RANBP2: variants seen among roughly 807,000 people sequenced by gnomAD.
The protein encoded by RANBP2 is E3 SUMO-protein ligase RanBP2.
Under a neutral mutation model 303.6 loss-of-function variants are expected in RANBP2, and 57 were observed. The ratio of observed to expected loss-of-function variants is 0.19; its 90% confidence interval spans 0.15 to 0.23. The LOEUF is 0.23. RANBP2 is among the 10% of genes least tolerant of loss of function. The pLI, the probability that RANBP2 is intolerant of heterozygous loss-of-function variation, is 1.00. For synonymous variants in RANBP2, 1,167 were observed against 1,301.5 expected, an observed-to-expected ratio of 0.90 and a Z score of 2.23; for missense variants, 3,138 against 3,780.8, an observed-to-expected ratio of 0.83 and a Z score of 4.46.
the RANBP2 span, chr2:109,502,039 C>T: frequency 2.8e-5 from 6 of 214,096 alleles, no homozygotes; most frequent in East Asian, 2.0e-4. Context: ...AGGAGGTCTG[C>T]AGGCGAGGTG....
At chr2:109,381,127 C>T in the RANBP2 span, among the ~76,000 whole-genome samples, 46 of 152,290 alleles carry the variant, frequency 3.0e-4, no homozygotes, top group Admixed American at 9.1e-4. Context: ...CTGGATGCGA[C>T]GATGGAAGGC....
At chr2:109,020,939 G>A in the RANBP2 span, among the ~76,000 whole-genome samples, 1 of 152,200 alleles carries the variant, frequency 6.6e-6, no homozygotes. Flanking sequence ...CCCATCACAG[G>A]CAAGGAATCC....
At chr2:109,614,621 C>CCT in the RANBP2 span, 2 of 1,460,842 alleles carry the variant, frequency 1.4e-6, no homozygotes, top group Non-Finnish European at 1.8e-6. Context: ...CCCTAGGCGG[C>CCT]GAACCGGAGC....
rs2557917 is a variant in RANBP2, at chr2:108,754,364, G to A, written c.2202+393G>A. 9.9e-5 allele frequency among the ~76,000 whole-genome samples: 15 copies of A among 151,648 alleles called. No individual in the cohort carries two copies. The East Asian group carries it at 2.1e-3, about 21-fold the overall frequency. ...TTTCTTCTCATCCTCATCAGCCATT[G>A]TGAACGCCCTTGTTTTCTTGCTGTC... On this transcript the variant is annotated intron_variant, in intron 15 of 28. Coordinates refer to ENST00000283195, the MANE Select transcript of RANBP2 (RefSeq NM_006267.5).
At chr2:108,796,503 G>A in the RANBP2 span, among the ~76,000 whole-genome samples, 112,738 of 152,078 alleles carry the variant, frequency 0.74, 42,123 homozygotes, top group East Asian at 0.92. Flanking sequence ...AAAAGAAAAC[G>A]GCGTATCGAA....
chr2:109,543,360 C>T, the RANBP2 span: 5 of 152,238 alleles, frequency 3.3e-5, no homozygotes, highest in East Asian at 1.9e-4. Context: ...GCTTATATAT[C>T]TGGATGTTTT....
the RANBP2 span, chr2:109,129,009 A>C: frequency 2.8e-5 from 12 of 424,388 alleles, no homozygotes; most frequent in Non-Finnish European, 5.6e-5. Flanking sequence ...AGGAAGAGGA[A>C]CGGTCCTGCT....
chr2:109,215,698 C>G, the RANBP2 span, among the ~76,000 whole-genome samples: 2 of 152,200 alleles, frequency 1.3e-5, no homozygotes, highest in African/African-American at 4.8e-5. Flanking sequence ...ATCCTACACC[C>G]AGACCGTGTG....
chr2:109,158,594 G>A, the RANBP2 span, among the ~76,000 whole-genome samples: 1 of 152,190 alleles, frequency 6.6e-6, no homozygotes, highest in Non-Finnish European at 1.5e-5. Context: ...CTCGCTGCCT[G>A]GGATGATAAG....
the RANBP2 span, chr2:109,347,717 A>T: frequency 6.2e-7 from 1 of 1,613,680 alleles, no homozygotes; most frequent in Non-Finnish European, 8.5e-7. Flanking sequence ...TACAGCTACG[A>T]GGGGAAGGAA....
At chr2:108,750,602 CTTTGA>C (rs1558900714) in intron 9 of RANBP2, among the ~76,000 whole-genome samples, 1 of 142,118 alleles carries the variant, frequency 7.0e-6, no homozygotes, top group African/African-American at 2.8e-5. Context: ...CTTTTCTTTT[CTTTGA>C]GACAGAGTCT....
At chr2:109,699,712 C>T in the RANBP2 span, among the ~76,000 whole-genome samples, 2 of 152,090 alleles carry the variant, frequency 1.3e-5, no homozygotes, top group African/African-American at 2.4e-5. Flanking sequence ...GAAGAAAATC[C>T]TTGTATATGT....
chr2:109,290,113 C>T, the RANBP2 span, among the ~76,000 whole-genome samples: 2 of 152,194 alleles, frequency 1.3e-5, no homozygotes, highest in Non-Finnish European at 2.9e-5. Context: ...GTGGACCACA[C>T]TTTGATTACC....
At chr2:108,867,869 G>T in the RANBP2 span, among the ~76,000 whole-genome samples, 7 of 152,146 alleles carry the variant, frequency 4.6e-5, no homozygotes, top group African/African-American at 1.7e-4. Flanking sequence ...ATACATTTTT[G>T]TCCCGTGTAA....
At chr2:109,240,310 A>G in the RANBP2 span, among the ~76,000 whole-genome samples, 1 of 152,122 alleles carries the variant, frequency 6.6e-6, no homozygotes, top group South Asian at 2.1e-4. Flanking sequence ...CATGGTTGAA[A>G]CCTCATCTTT....
chr2:108,791,894 A>C, the RANBP2 span: 2 of 1,266,000 alleles, frequency 1.6e-6, no homozygotes, highest in Non-Finnish European at 1.1e-6. Context: ...ACTGGCCCCC[A>C]AGAGTTTGCA....
the RANBP2 span, chr2:108,791,636 A>C: frequency 1.3e-6 from 2 of 1,589,540 alleles, no homozygotes; most frequent in Non-Finnish European, 1.7e-6. Flanking sequence ...GTGCTATAGT[A>C]AACTTCTAGA....
At chr2:109,031,463 C>G in the RANBP2 span, among the ~76,000 whole-genome samples, 8 of 152,368 alleles carry the variant, frequency 5.3e-5, no homozygotes, top group Non-Finnish European at 1.2e-4. Flanking sequence ...TACTGTTGCA[C>G]CGGGGACTGG....
At chr2:109,661,700 G>A in the RANBP2 span, among the ~76,000 whole-genome samples, 2 of 152,238 alleles carry the variant, frequency 1.3e-5, no homozygotes, top group African/African-American at 4.8e-5. Context: ...GGGGCACAGT[G>A]AGTAGCTGGA....
Sources: allele counts gnomAD v4.1 joint callset (sites outside exome capture counted in the v4.1 genomes callset), GRCh38; gene constraint gnomAD v4.1.1; transcripts MANE v1.5; gene names NCBI Gene and HGNC (gene_info 2026-07-23, HGNC 2026-07-21).